Variants in SND1 observed in about 807,000 individuals in gnomAD.
SND1 encodes the protein staphylococcal nuclease domain-containing protein 1.
A neutral mutation model predicts 121.7 loss-of-function variants in SND1; 38 were observed. That is an observed-to-expected ratio of 0.31 (90% CI 0.24 to 0.41). The LOEUF is 0.41. Ranked by LOEUF, SND1 falls within the 10% of genes least tolerant of loss-of-function variation. The pLI is 1.00. For missense variants in SND1, 868 were observed against 1,184.6 expected (o/e 0.73, Z 3.92); for synonymous variants, 401 against 447.4 (o/e 0.90, Z 1.31).
chr7:127,994,748 G>A (rs1239619358), intron 16 of SND1, among the ~76,000 whole-genome samples: 1 of 152,046 alleles, frequency 6.6e-6, no homozygotes, highest in African/African-American at 2.4e-5. Flanking sequence ...GTCTCGCTCT[G>A]TCGCCCAGGC....
intron 10 of SND1, among the ~76,000 whole-genome samples, chr7:127,800,714 T>A (rs1239977594): frequency 6.6e-6 from 1 of 152,208 alleles, no homozygotes; most frequent in Non-Finnish European, 1.5e-5. Context: ...TTCAGAGCCT[T>A]GTTTTTTTCC....
At chr7:128,072,265 C>A (rs527900660) in intron 16 of SND1, among the ~76,000 whole-genome samples, 1 of 152,224 alleles carries the variant, frequency 6.6e-6, no homozygotes, top group Non-Finnish European at 1.5e-5. Context: ...TGCTAAGAGC[C>A]ACACTGGCCC....
At chr7:128,090,734 G>A (rs944502316) in intron 22 of SND1, among the ~76,000 whole-genome samples, 1 of 152,074 alleles carries the variant, frequency 6.6e-6, no homozygotes, top group Non-Finnish European at 1.5e-5. Flanking sequence ...CACATAATGT[G>A]TCGGTGGCTG....
chr7:128,045,388 C>T (rs1038169145), intron 16 of SND1, among the ~76,000 whole-genome samples: 1 of 152,192 alleles, frequency 6.6e-6, no homozygotes, highest in Admixed American at 6.5e-5. Context: ...GGCCTCCATC[C>T]TGTCAGTTCT....
intron 10 of SND1, among the ~76,000 whole-genome samples, chr7:127,780,248 A>C (rs1797696264): frequency 6.6e-6 from 1 of 152,228 alleles, no homozygotes; most frequent in Admixed American, 6.5e-5. Flanking sequence ...GTTTTGGAAT[A>C]ACTTTCACAT....
intron 10 of SND1, among the ~76,000 whole-genome samples, chr7:127,742,238 A>C (rs1180891492): frequency 6.6e-6 from 1 of 152,168 alleles, no homozygotes; most frequent in Admixed American, 6.5e-5. Context: ...TGTGCCACCA[A>C]GATGTGTCTC....
At chr7:127,975,343 A>G (rs558558222) in intron 15 of SND1, among the ~76,000 whole-genome samples, 53 of 150,666 alleles carry the variant, frequency 3.5e-4, no homozygotes, top group Non-Finnish European at 6.8e-4. Flanking sequence ...GCGCGCGCGC[A>G]TGTGCGCACG....
intron 16 of SND1, among the ~76,000 whole-genome samples, chr7:128,043,406 T>G (rs55673039): frequency 0.014 from 2,116 of 152,050 alleles, 59 homozygotes; most frequent in African/African-American, 0.048. Context: ...AAACCCCATT[T>G]CTACTAAAAA....
chr7:127,685,442 CTTTCAGATCTAGTG>C (rs1795795794), intron 1 of SND1, among the ~76,000 whole-genome samples: 1 of 152,224 alleles, frequency 6.6e-6, no homozygotes, highest in Non-Finnish European at 1.5e-5. Flanking sequence ...AATTGAGAGT[CTTTCAGATCTAGTG>C]AAGCCAGGGC....
intron 11 of SND1, among the ~76,000 whole-genome samples, chr7:127,809,261 C>T (rs975124190): frequency 6.6e-6 from 1 of 152,186 alleles, no homozygotes; most frequent in Non-Finnish European, 1.5e-5. Context: ...TCCTGTGCAA[C>T]AGAGTTGATT....
intron 9 of SND1, 59 bp from the exon 10 acceptor site, chr7:127,721,228 C>T (rs1315992651): frequency 4.2e-6 from 5 of 1,202,518 alleles, no homozygotes; most frequent in Non-Finnish European, 6.2e-6. Flanking sequence ...GGGCCTTGCT[C>T]TTGGACATGT....
At chr7:127,841,040 G>A (rs1798955784) in intron 11 of SND1, among the ~76,000 whole-genome samples, 1 of 152,086 alleles carries the variant, frequency 6.6e-6, no homozygotes, top group Admixed American at 6.6e-5. Context: ...CCTCACTTTG[G>A]CCTTCTGGCC....
intron 10 of SND1, among the ~76,000 whole-genome samples, chr7:127,799,184 A>G (rs2116559600): frequency 6.6e-6 from 1 of 152,338 alleles, no homozygotes; most frequent in South Asian, 2.1e-4. Flanking sequence ...AACCACCGAC[A>G]GGTGGTGATT....
At chr7:127,883,857 A>T (rs953452543) in intron 12 of SND1, among the ~76,000 whole-genome samples, 2 of 152,138 alleles carry the variant, frequency 1.3e-5, no homozygotes, top group Non-Finnish European at 2.9e-5. Flanking sequence ...TTTCTTCATG[A>T]CCATAAAGTT....
intron 10 of SND1, among the ~76,000 whole-genome samples, chr7:127,769,293 G>T (rs1211200885): frequency 6.6e-6 from 1 of 152,124 alleles, no homozygotes; most frequent in African/African-American, 2.4e-5. Context: ...TTTCCTCAGG[G>T]TGCTAACTAA....
chr7:128,029,518 G>C lies in SND1; in HGVS notation c.1779+38462G>C. ...TTCACGGAGGACATAGGGGGAGTCCGACACTTAAGTTCTGCCATCCGACCC... is the reference window on the plus strand; with the variant it reads ...TTCACGGAGGACATAGGGGGAGTCCCACACTTAAGTTCTGCCATCCGACCC... On this transcript the variant is annotated intron_variant, in intron 16 of 23. Coordinates refer to ENST00000354725, the MANE Select transcript of SND1 (RefSeq NM_014390.4). The surrounding 1 kb of genome is among the most constrained non-coding windows in gnomAD (Gnocchi z 4.2). 1 of 1,614,078 alleles carries C rather than the reference G, an allele frequency of 6.2e-7. No homozygotes were observed. Among genetic ancestry groups the C allele is most frequent in the Non-Finnish European group, 8.5e-7 (1 of 1,180,024 alleles).
At chr7:127,688,702 A>G (rs1795862334) in intron 2 of SND1, among the ~76,000 whole-genome samples, 1 of 151,830 alleles carries the variant, frequency 6.6e-6, no homozygotes, top group South Asian at 2.1e-4. Flanking sequence ...AGCCTGGGTG[A>G]CAGTGTAAGA....
intron 15 of SND1, among the ~76,000 whole-genome samples, chr7:127,934,563 A>C (rs374044336): frequency 2.4e-4 from 36 of 152,180 alleles, no homozygotes; most frequent in African/African-American, 8.4e-4. Context: ...GAAAAGTAGG[A>C]GGTAGACTTG....
At chr7:127,858,878 G>C (rs969868372) in intron 12 of SND1, among the ~76,000 whole-genome samples, 27 of 152,310 alleles carry the variant, frequency 1.8e-4, no homozygotes, top group East Asian at 7.7e-4. Context: ...GTATTTCTCT[G>C]AGTAGAATGA....
Sources: allele counts gnomAD v4.1 joint callset (sites outside exome capture counted in the v4.1 genomes callset), GRCh38; gene constraint gnomAD v4.1.1; non-coding constraint Gnocchi (gnomAD v3.1); transcripts MANE v1.5; gene names NCBI Gene and HGNC (gene_info 2026-07-23, HGNC 2026-07-21).